LAPTM4B: variants seen among roughly 807,000 people sequenced by gnomAD.
LAPTM4B encodes lysosomal-associated transmembrane protein 4B.
Under a neutral mutation model 28.5 loss-of-function variants are expected in LAPTM4B, and 26 were observed. That is an observed-to-expected ratio of 0.91 (90% CI 0.67 to 1.27). LAPTM4B has a LOEUF of 1.27. Ranked by LOEUF, LAPTM4B falls within the 50% of genes most tolerant of loss-of-function variation. The probability of loss-of-function intolerance (pLI) is 0.00; values close to 1 mark genes in which losing one functional copy is unlikely to be tolerated. For synonymous variants in LAPTM4B, 109 were observed against 106.4 expected, an observed-to-expected ratio of 1.02 and a Z score of -0.15; for missense variants, 288 against 285.8, an observed-to-expected ratio of 1.01 and a Z score of -0.06.
At chr8:97,842,840 A>G (rs2129849802) in intron 6 of LAPTM4B, among the ~76,000 whole-genome samples, 1 of 146,362 alleles carries the variant, frequency 6.8e-6, no homozygotes, top group African/African-American at 2.5e-5. Flanking sequence ...TTTTGTAAGG[A>G]TATCTTTTTC....
At chr8:97,795,816 G>A (rs1038920990) in intron 1 of LAPTM4B, among the ~76,000 whole-genome samples, 25 of 133,828 alleles carry the variant, frequency 1.9e-4, no homozygotes, top group Non-Finnish European at 3.4e-4. Context: ...CAGCCTCAGC[G>A]ACAAAGTGAG....
intron 1 of LAPTM4B, among the ~76,000 whole-genome samples, chr8:97,801,607 G>A (rs1452710266): frequency 6.6e-6 from 1 of 152,128 alleles, no homozygotes; most frequent in Admixed American, 6.6e-5. Context: ...TGTAATCCCA[G>A]CACTTTGGGA....
At chr8:97,779,480 C>T (rs1816275496) in intron 1 of LAPTM4B, among the ~76,000 whole-genome samples, 1 of 150,152 alleles carries the variant, frequency 6.7e-6, no homozygotes, top group Non-Finnish European at 1.5e-5. Context: ...GAGACTCTGT[C>T]TCAAAAAAAG....
chr8:97,801,472 A>G lies in LAPTM4B; in HGVS notation c.100-3881A>G, dbSNP rs182339740. Among the ~76,000 whole-genome samples, 629 of 152,168 alleles carry G rather than the reference A, an allele frequency of 4.1e-3. 6 individuals are homozygous for G. Among genetic ancestry groups the G allele is most frequent in the African/African-American group, 0.014 (577 of 41,510 alleles). On this transcript the variant is annotated intron_variant, in intron 1 of 6. Coordinates refer to ENST00000521545, the MANE Select transcript of LAPTM4B (RefSeq NM_018407.6). ...GCTAGGATTACAGGCCACCATGCCCAGCTCTTCATAATTTTTCAAAGCACA... is the reference window on the plus strand; with the variant it reads ...GCTAGGATTACAGGCCACCATGCCCGGCTCTTCATAATTTTTCAAAGCACA...
chr8:97,827,581 C>T (rs1462068805), intron 6 of LAPTM4B, among the ~76,000 whole-genome samples: 1 of 152,188 alleles, frequency 6.6e-6, no homozygotes, highest in Admixed American at 6.5e-5. Flanking sequence ...GAGGCCCAGA[C>T]TTGCAGAGTG....
intron 1 of LAPTM4B, among the ~76,000 whole-genome samples, chr8:97,779,187 T>C (rs1160894180): frequency 6.6e-6 from 1 of 152,070 alleles, no homozygotes; most frequent in Non-Finnish European, 1.5e-5. Context: ...GTGAGCACTG[T>C]CTCTTAACAG....
At chr8:97,829,696 CTT>C (rs926939613) in intron 6 of LAPTM4B, among the ~76,000 whole-genome samples, 1 of 147,264 alleles carries the variant, frequency 6.8e-6, no homozygotes. Flanking sequence ...TTTCTTTCTT[CTT>C]TTTTTTTTTT....
intron 6 of LAPTM4B, among the ~76,000 whole-genome samples, chr8:97,836,361 A>G (rs1473957105): frequency 6.6e-6 from 1 of 152,018 alleles, no homozygotes; most frequent in Non-Finnish European, 1.5e-5. Flanking sequence ...TTGTATTTTC[A>G]GTAGAGACAG....
chr8:97,802,970 G>A (rs931165950), intron 1 of LAPTM4B, among the ~76,000 whole-genome samples: 1 of 151,988 alleles, frequency 6.6e-6, no homozygotes, highest in African/African-American at 2.4e-5. Flanking sequence ...GGAGGCCGAG[G>A]CGGGTGGATC....
chr8:97,782,279 C>CTTTTTTTTTT (rs34322160), intron 1 of LAPTM4B, among the ~76,000 whole-genome samples: 3 of 50,238 alleles, frequency 6.0e-5, no homozygotes, highest in Non-Finnish European at 7.1e-5. Context: ...CCATGCCCAG[C>CTTTTTTTTTT]TTTTTTTTTT....
chr8:97,846,359 G>A (rs547392528), intron 6 of LAPTM4B, among the ~76,000 whole-genome samples: 4 of 137,034 alleles, frequency 2.9e-5, no homozygotes, highest in Admixed American at 7.6e-5. Flanking sequence ...ATGGAGTTTC[G>A]CTCTTGTTGC....
intron 1 of LAPTM4B, among the ~76,000 whole-genome samples, chr8:97,803,728 C>T (rs1485847526): frequency 2.6e-5 from 4 of 152,180 alleles, no homozygotes; most frequent in African/African-American, 9.7e-5. Flanking sequence ...TCACTGTAGC[C>T]TCAAACTCCT....
intron 1 of LAPTM4B, among the ~76,000 whole-genome samples, chr8:97,803,147 C>T (rs966555289): frequency 1.3e-5 from 2 of 150,908 alleles, no homozygotes; most frequent in Non-Finnish European, 3.0e-5. Context: ...TGTAGTGAGC[C>T]GAGATCGTGC....
At chr8:97,800,038 A>C (rs2129758693) in intron 1 of LAPTM4B, among the ~76,000 whole-genome samples, 1 of 152,034 alleles carries the variant, frequency 6.6e-6, no homozygotes, top group East Asian at 1.9e-4. Flanking sequence ...AACTTCCATG[A>C]TTCTTTCTCG....
chr8:97,779,490 G>GA (rs1002816043), intron 1 of LAPTM4B, among the ~76,000 whole-genome samples: 5 of 149,054 alleles, frequency 3.4e-5, no homozygotes, highest in East Asian at 2.0e-4. Flanking sequence ...CTCAAAAAAA[G>GA]AAAAAAAAAG....
At chr8:97,828,682 C>T (rs955870597) in intron 6 of LAPTM4B, among the ~76,000 whole-genome samples, 2 of 152,098 alleles carry the variant, frequency 1.3e-5, no homozygotes, top group Non-Finnish European at 2.9e-5. Flanking sequence ...GAGGCCTCAG[C>T]GATTTTGGAG....
chr8:97,785,072 C>T (rs572932515), intron 1 of LAPTM4B, among the ~76,000 whole-genome samples: 1 of 151,312 alleles, frequency 6.6e-6, no homozygotes, highest in African/African-American at 2.4e-5. Context: ...TATTCAATAT[C>T]TTTTTAAGCT....
chr8:97,785,622 G>T (rs940944365), intron 1 of LAPTM4B, among the ~76,000 whole-genome samples: 1 of 152,190 alleles, frequency 6.6e-6, no homozygotes, highest in Non-Finnish European at 1.5e-5. Flanking sequence ...GCAGTTATAA[G>T]TGCATTTTTA....
intron 6 of LAPTM4B, among the ~76,000 whole-genome samples, chr8:97,828,804 G>T (rs1817132983): frequency 6.6e-6 from 1 of 152,174 alleles, no homozygotes; most frequent in Non-Finnish European, 1.5e-5. Context: ...GATAGAAGTT[G>T]CAAGGCCTGC....
Sources: gnomAD v4.1 joint callset for allele counts (sites outside exome capture counted in the v4.1 genomes callset) on GRCh38, gnomAD v4.1.1 for gene constraint, MANE v1.5 for transcripts, NCBI Gene and HGNC (gene_info 2026-07-23, HGNC 2026-07-21) for gene names.